Variants in MAST4 observed in about 807,000 individuals in gnomAD.
The protein encoded by MAST4 is microtubule associated serine/threonine kinase family member 4, also known as microtubule-associated serine/threonine-protein kinase 4.
A neutral mutation model predicts 162.7 loss-of-function variants in MAST4; 89 were observed. The ratio of observed to expected loss-of-function variants is 0.55; its 90% CI spans 0.46 to 0.65. The LOEUF (loss-of-function observed/expected upper bound fraction) is 0.65. Ranked by LOEUF, MAST4 falls within the 30% of genes least tolerant of loss-of-function variation. The probability of loss-of-function intolerance (pLI) is 0.00; values close to 1 mark genes in which losing one functional copy is unlikely to be tolerated. For missense variants in MAST4, 3,153 were observed against 3,374.0 expected (o/e 0.93, Z 1.62); for synonymous variants, 1,479 against 1,361.1 (o/e 1.09, Z -1.91).
intron 4 of MAST4, among the ~76,000 whole-genome samples, chr5:66,952,374 T>C (rs1000330134): frequency 2.6e-5 from 4 of 152,174 alleles, no homozygotes; most frequent in African/African-American, 7.2e-5. Context: ...TCATATTTCC[T>C]GCTCTTTGAA....
rs140453030 is a variant in MAST4 at position 66,667,733 on chromosome 5, A to G, written c.363+70715A>G. Among the ~76,000 whole-genome samples the G allele has an allele frequency of 2.2e-3, 333 of 152,346 alleles. 2 individuals carry two copies. Among genetic ancestry groups the G allele is most frequent in the African/African-American group, 7.6e-3 (317 of 41,584 alleles). On this transcript the variant is annotated intron_variant, in intron 1 of 28. Transcript: ENST00000403625. ...TAGGAACACTACCTATTTGCTTAAT[A>G]CGTTAGTCTATGGAATGTGGCTGCT...
chr5:66,940,857 T>C (rs1168002118), intron 4 of MAST4, among the ~76,000 whole-genome samples: 6 of 152,160 alleles, frequency 3.9e-5, no homozygotes, highest in Non-Finnish European at 8.8e-5. Context: ...ATTTCTTAAA[T>C]AACCCAACTT....
At chr5:66,853,074 T>C (rs1370865431) in intron 3 of MAST4, among the ~76,000 whole-genome samples, 1 of 152,246 alleles carries the variant, frequency 6.6e-6, no homozygotes, top group Non-Finnish European at 1.5e-5. Flanking sequence ...TTCTGGTTTC[T>C]ATTCCTTAGT....
At chr5:67,060,634 C>G (rs12652236) in intron 5 of MAST4, among the ~76,000 whole-genome samples, 6 of 151,952 alleles carry the variant, frequency 3.9e-5, no homozygotes, top group African/African-American at 1.2e-4. Flanking sequence ...CCTGCCACCA[C>G]GCCTGGCTAA....
chr5:66,888,062 T>C (rs1464487949), intron 3 of MAST4, among the ~76,000 whole-genome samples: 1 of 151,886 alleles, frequency 6.6e-6, no homozygotes, highest in Non-Finnish European at 1.5e-5. Flanking sequence ...AAAATAAAAA[T>C]AAAATAGTAC....
chr5:66,960,532 A>G (rs955995068), intron 4 of MAST4, among the ~76,000 whole-genome samples: 2 of 151,544 alleles, frequency 1.3e-5, no homozygotes, highest in Non-Finnish European at 2.9e-5. Flanking sequence ...TTTTAGTGGC[A>G]TGCACTCATT....
At chr5:66,748,063 G>A (rs1261803827) in intron 1 of MAST4, among the ~76,000 whole-genome samples, 1 of 152,066 alleles carries the variant, frequency 6.6e-6, no homozygotes, top group Admixed American at 6.5e-5. Flanking sequence ...GGATTTCTAG[G>A]GACTGAAGTA....
chr5:67,075,134 G>A (rs1761466625), intron 5 of MAST4, among the ~76,000 whole-genome samples: 2 of 145,146 alleles, frequency 1.4e-5, no homozygotes, highest in Non-Finnish European at 3.0e-5. Flanking sequence ...GGAGGTTAGT[G>A]TATGATCTGA....
chr5:67,100,762 G>A (rs1764936699), intron 8 of MAST4, among the ~76,000 whole-genome samples, 170 bp downstream of exon 8: 1 of 152,144 alleles, frequency 6.6e-6, no homozygotes, highest in Non-Finnish European at 1.5e-5. Flanking sequence ...ACCATTGAAA[G>A]GCATCTTATA....
At chr5:67,031,630 C>T (rs1755337142) in intron 4 of MAST4, among the ~76,000 whole-genome samples, 1 of 152,156 alleles carries the variant, frequency 6.6e-6, no homozygotes, top group Non-Finnish European at 1.5e-5. Context: ...TTGTAAAATA[C>T]ATGTTAATTG....
intron 3 of MAST4, among the ~76,000 whole-genome samples, chr5:66,845,126 T>TATATATATATATATATATATAC (rs1358855625): frequency 8.9e-5 from 6 of 67,164 alleles, no homozygotes; most frequent in Non-Finnish European, 1.7e-4. Flanking sequence ...TATATATATA[T>TATATATATATATATATATATAC]ACACACACAC....
intron 25 of MAST4, among the ~76,000 whole-genome samples, chr5:67,153,246 T>G (rs1333939552): frequency 6.6e-6 from 1 of 152,188 alleles, no homozygotes; most frequent in Non-Finnish European, 1.5e-5. Context: ...GCTCTGGTAC[T>G]TTCAGTCTGA....
intron 13 of MAST4, 88 bp from the exon 14 acceptor site, chr5:67,120,929 G>A (rs2150952314): frequency 1.1e-6 from 1 of 935,482 alleles, no homozygotes. Flanking sequence ...TTACATAACA[G>A]CATGTCCTTC....
At position 67,165,355 on chromosome 5, in the gene MAST4, C is replaced by A. The variant is rs558797796; in HGVS notation, c.6176C>A (p.Ser2059Tyr). 349 of 1,613,120 alleles carry A rather than the reference C, an allele frequency of 2.2e-4. No individual in the cohort carries two copies. The highest frequency in any genetic ancestry group is 4.8e-4 in the African/African-American group (36 of 75,026). The part of the protein sequence containing the change: ...GEARPPPRDN[S>Y]SLHSAGIPCE... ...GCGAGGCCCCCGCCCAGAGACAACT[C>A]CTCTCTGCACTCAGCTGGAATTCCC... The change falls in exon 29 of 29, where the codon TCC (serine) becomes TAC (tyrosine). Residue 2059 changes from serine (S) to tyrosine (Y), a missense_variant. Physicochemically the swap from Ser to Tyr is moderately radical, Grantham distance 144. This residue lies in a region of MAST4 where 1,644 missense variants were observed against 1,495.0 expected (regional missense o/e 1.10). Transcript: ENST00000403625.
Position 66,921,228 on chromosome 5 carries a change from G to T in MAST4, c.674+21246G>T, listed in dbSNP as rs539774235. Among the ~76,000 whole-genome samples, 3 of 152,154 alleles carry T rather than the reference G, an allele frequency of 2.0e-5. No homozygotes were observed. In the East Asian group the frequency reaches 5.8e-4, roughly 29 times the overall value. On this transcript the variant is annotated intron_variant, in intron 4 of 28. Coordinates refer to ENST00000403625, the MANE Select transcript of MAST4 (RefSeq NM_001164664.2). ...TTAGAGCCCCTAAGTCTGACATAAG[G>T]GTACTAAGCAAATGAGTATTCTGTG...
At chr5:66,712,641 T>G (rs1168880938) in intron 1 of MAST4, among the ~76,000 whole-genome samples, 1 of 152,196 alleles carries the variant, frequency 6.6e-6, no homozygotes, top group East Asian at 1.9e-4. Context: ...TTTCCCTCTT[T>G]TGATATCTCA....
At chr5:66,921,784 T>C (rs1462957999) in intron 4 of MAST4, among the ~76,000 whole-genome samples, 1 of 152,130 alleles carries the variant, frequency 6.6e-6, no homozygotes, top group Non-Finnish European at 1.5e-5. Flanking sequence ...TCAAGATCAA[T>C]GTTTTGCATG....
chr5:67,054,621 A>G, intron 5 of MAST4, 129 bp downstream of exon 5: 1 of 825,826 alleles, frequency 1.2e-6, no homozygotes, highest in Non-Finnish European at 1.9e-6. Flanking sequence ...TTTATCCCTA[A>G]GTTGTTCTTT....
In MAST4 at chr5:67,163,542, G is replaced by A. The variant is rs770967866; in HGVS notation, c.4363G>A (p.Gly1455Ser). 3.1e-6 allele frequency: 5 copies of A among 1,600,800 alleles called. No homozygotes were observed. Among genetic ancestry groups the A allele is most frequent in the Admixed American group, 3.5e-5 (2 of 57,798 alleles). ...QSEEKLSPSY[G>S]SDKKHLCSRK... is the part of the protein sequence containing the mutation. ...CGAGGAGAAGCTGTCGCCCTCTTAC[G>A]GCAGTGACAAGAAGCACCTGTGCTC... Residue 1455 changes from glycine (G) to serine (S), a missense_variant, in exon 29 of 29, where the codon GGC becomes AGC. Physicochemically the swap from Gly to Ser is moderately conservative, Grantham distance 56. Around this residue, in one of 7 missense-constraint regions of MAST4, gnomAD observed 619 missense variants for 744.2 expected, o/e 0.83. Coordinates refer to ENST00000403625, the MANE Select transcript of MAST4 (RefSeq NM_001164664.2). The surrounding 1 kb of genome is among the most constrained non-coding windows in gnomAD (Gnocchi z 7.0).
Sources: gnomAD v4.1 joint callset for allele counts (sites outside exome capture counted in the v4.1 genomes callset) on GRCh38, gnomAD v4.1.1 for gene constraint, gnomAD v4.1.1 regional missense constraint, Gnocchi (gnomAD v3.1) non-coding constraint, MANE v1.5 for transcripts, NCBI Gene and HGNC (gene_info 2026-07-23, HGNC 2026-07-21) for gene names.